AGAP1: variants seen among roughly 807,000 people sequenced by gnomAD.
The protein encoded by AGAP1 is arf-GAP with GTPase, ANK repeat and PH domain-containing protein 1.
In AGAP1, 29 loss-of-function variants were observed where a neutral mutation model predicts 105.3. The observed-to-expected ratio is 0.28, with a 90% confidence interval of 0.21 to 0.38. AGAP1 has a LOEUF of 0.38. Among genes scored for constraint, AGAP1 ranks in the 10% least tolerant of loss-of-function variants. AGAP1 has a pLI of 1.00. For missense variants in AGAP1, 998 were observed against 1,165.1 expected, an observed-to-expected ratio of 0.86 and a Z score of 2.09; for synonymous variants, 509 against 485.9, an observed-to-expected ratio of 1.05 and a Z score of -0.63.
At position 235,934,231 on chromosome 2, in the gene AGAP1, T is replaced by C. The variant is rs1191678159; in HGVS notation, c.1483+3308T>C. 6.6e-6 allele frequency among the ~76,000 whole-genome samples: 1 copy of C among 152,186 alleles called. No individual in the cohort carries two copies. Among genetic ancestry groups the C allele is most frequent in the African/African-American group, 2.4e-5 (1 of 41,440 alleles). ...GGCAACCTGTGTATAGCAAGCCCTC[T>C]GGGATCACATGGCATGCTGAAGCTT... On this transcript the variant is annotated intron_variant, in intron 12 of 17. Coordinates refer to ENST00000304032, the MANE Select transcript of AGAP1 (RefSeq NM_001037131.3). The surrounding 1 kb of genome is among the most constrained non-coding windows in gnomAD (Gnocchi z 4.9).
intron 9 of AGAP1, among the ~76,000 whole-genome samples, chr2:235,829,239 C>T (rs952291009): frequency 6.6e-6 from 1 of 152,184 alleles, no homozygotes; most frequent in African/African-American, 2.4e-5. Flanking sequence ...TGGTGCATTT[C>T]GTTTTCTGGA....
intron 10 of AGAP1, among the ~76,000 whole-genome samples, chr2:235,896,103 C>T (rs1396590195): frequency 1.3e-5 from 2 of 152,222 alleles, no homozygotes; most frequent in East Asian, 3.8e-4. Flanking sequence ...ACACAAATTC[C>T]TATCCCCCCT....
chr2:235,798,581 A>G (rs890371900), intron 7 of AGAP1, among the ~76,000 whole-genome samples: 1 of 152,148 alleles, frequency 6.6e-6, no homozygotes, highest in Non-Finnish European at 1.5e-5. Context: ...AGGTACAGTC[A>G]TGAATGTTCA....
intron 16 of AGAP1, among the ~76,000 whole-genome samples, chr2:236,065,319 T>C (rs2058317568): frequency 6.6e-6 from 1 of 152,190 alleles, no homozygotes; most frequent in Non-Finnish European, 1.5e-5. Context: ...TGTCTTCAGC[T>C]CCTCGGGCCC....
Position 235,906,979 on chromosome 2 carries a change from C to A in AGAP1, c.1156-1759C>A, listed in dbSNP as rs6737735. On this transcript the variant is annotated intron_variant, in intron 10 of 17. Transcript: ENST00000304032. The surrounding 1 kb of genome is among the most constrained non-coding windows in gnomAD (Gnocchi z 5.3). ...TACAGTGAGCTGAGTTCATGCCACT[C>A]CACTCCAGCCTGGGCAACAGAGTGA... 1.3e-5 allele frequency among the ~76,000 whole-genome samples: 2 copies of A among 152,034 alleles called. No individual in the cohort carries two copies. Among genetic ancestry groups the A allele is most frequent in the African/African-American group, 4.8e-5 (2 of 41,408 alleles).
chr2:235,567,785 G>A lies in AGAP1; in HGVS notation c.163+72936G>A, dbSNP rs78843006. Among the ~76,000 whole-genome samples, 527 of 152,014 alleles carry A rather than the reference G, an allele frequency of 3.5e-3. 3 individuals are homozygous for A. Among genetic ancestry groups the A allele is most frequent in the African/African-American group, 0.012 (508 of 41,446 alleles). Reference sequence around the variant, plus strand: ...ATTGTCCACTGTGGGGGGCGGCTGAGGAAGCCAAGGGGTCTGGGCCTGTAG... The same window carrying A: ...ATTGTCCACTGTGGGGGGCGGCTGAAGAAGCCAAGGGGTCTGGGCCTGTAG... On this transcript the variant is annotated intron_variant, in intron 1 of 17. Transcript: ENST00000304032.
At chr2:235,542,236 A>C (rs1943470301) in intron 1 of AGAP1, among the ~76,000 whole-genome samples, 2 of 151,858 alleles carry the variant, frequency 1.3e-5, no homozygotes, top group Admixed American at 6.6e-5. Context: ...GCCAGTTGTC[A>C]GAGAGCCCGG....
chr2:235,706,382 G>T (rs1192643683), intron 1 of AGAP1, among the ~76,000 whole-genome samples: 2 of 149,366 alleles, frequency 1.3e-5, no homozygotes, highest in African/African-American at 5.1e-5. Context: ...CCGCCACCAC[G>T]CCCGGCTAAT....
At chr2:235,870,449 A>G (rs958658602) in intron 9 of AGAP1, among the ~76,000 whole-genome samples, 10 of 152,206 alleles carry the variant, frequency 6.6e-5, no homozygotes, top group African/African-American at 2.4e-4. Context: ...CAACATGGCG[A>G]AACCCTGTCT....
chr2:235,947,876 A>G (rs767661993), intron 12 of AGAP1, among the ~76,000 whole-genome samples: 3 of 152,266 alleles, frequency 2.0e-5, no homozygotes, highest in Non-Finnish European at 2.9e-5. Flanking sequence ...AGGTGGTACT[A>G]TTATCCTCAT....
chr2:235,538,427 A>ATGTG (rs57515821), intron 1 of AGAP1, among the ~76,000 whole-genome samples: 1,511 of 135,400 alleles, frequency 0.011, 18 homozygotes, highest in East Asian at 0.035. Flanking sequence ...CTCAGCCACT[A>ATGTG]TGTGTGTGTG....
In AGAP1 at chr2:235,642,113, C is replaced by T. The variant is rs541339059; in HGVS notation, c.164-67066C>T. Among the ~76,000 whole-genome samples the T allele has an allele frequency of 2.6e-5, 4 of 152,356 alleles. No homozygotes were observed. The East Asian group carries it at 7.7e-4, about 29-fold the overall frequency. On this transcript the variant is annotated intron_variant, in intron 1 of 17. Coordinates refer to ENST00000304032, the MANE Select transcript of AGAP1 (RefSeq NM_001037131.3). This position sits in a 1 kb window ranked among gnomAD's most constrained non-coding sequence, Gnocchi z 4.1. ...ACATGCCTGTGTTTTTACCTTACTT[C>T]CCCAGGGGCCCTCCAGAGGGTGCCC... is the stretch of plus-strand genomic sequence containing the variant.
intron 9 of AGAP1, among the ~76,000 whole-genome samples, chr2:235,876,709 C>A (rs984579935): frequency 6.6e-6 from 1 of 152,180 alleles, no homozygotes; most frequent in African/African-American, 2.4e-5. Flanking sequence ...GCACCTTGTC[C>A]CGATTTTACC....
rs1488381515 is a variant in AGAP1, at chr2:236,089,884, A to C, written c.2115-30308A>C. Among the ~76,000 whole-genome samples, 1 of 152,126 alleles carries C rather than the reference A, an allele frequency of 6.6e-6. No individual in the cohort carries two copies. Among genetic ancestry groups the C allele is most frequent in the African/African-American group, 2.4e-5 (1 of 41,424 alleles). ...ATTGGTGGACTTTCTACTGTTAACC[A>C]CCAAGAAATGACCAATTTTCAGGAG... On this transcript the variant is annotated intron_variant, in intron 16 of 17. Transcript: ENST00000304032. The surrounding 1 kb of genome is among the most constrained non-coding windows in gnomAD (Gnocchi z 5.6).
intron 12 of AGAP1, among the ~76,000 whole-genome samples, chr2:235,932,598 T>G (rs1269292063): frequency 6.6e-6 from 1 of 152,216 alleles, no homozygotes; most frequent in South Asian, 2.1e-4. Flanking sequence ...AGGCCTTGCC[T>G]TACCAAGCAG....
At chr2:235,704,962 C>CTTTTTTTTTTTTTTTTTTTT (rs796721149) in intron 1 of AGAP1, among the ~76,000 whole-genome samples, 1 of 86,010 alleles carries the variant, frequency 1.2e-5, no homozygotes. Flanking sequence ...ATACAAGATG[C>CTTTTTTTTTTTTTTTTTTTT]TTTTTTCTTT....
In AGAP1 at chr2:235,685,236, C is replaced by G. The variant is rs557099328; in HGVS notation, c.164-23943C>G. 5.3e-5 allele frequency among the ~76,000 whole-genome samples: 8 copies of G among 152,170 alleles called. No individual in the cohort carries two copies. The East Asian group carries it at 1.6e-3, about 30-fold the overall frequency. On this transcript the variant is annotated intron_variant, in intron 1 of 17. Transcript: ENST00000304032. ...GGAAGCCACAAGCCGCCTCCCTGAC[C>G]TGGCAGCTGCCTGTGTGCCCTGGTG...
In AGAP1 at chr2:236,044,018, C is replaced by G. The variant is rs2057640462; in HGVS notation, c.1891+3177C>G. On this transcript the variant is annotated intron_variant, in intron 15 of 17. Transcript: ENST00000304032. The surrounding 1 kb of genome is among the most constrained non-coding windows in gnomAD (Gnocchi z 5.7). The stretch of plus-strand genomic sequence containing the variant: ...TGCTCTAGACCGCCAGGAGCCCCCT[C>G]TGTCTGCTCACTGGGCACATCCCAG... Among the ~76,000 whole-genome samples, 1 of 152,160 alleles carries G rather than the reference C, an allele frequency of 6.6e-6. No homozygotes were observed. Among genetic ancestry groups the G allele is most frequent in the African/African-American group, 2.4e-5 (1 of 41,432 alleles).
chr2:235,810,540 C>G (rs1344717196), intron 9 of AGAP1, among the ~76,000 whole-genome samples: 1 of 152,182 alleles, frequency 6.6e-6, no homozygotes, highest in Non-Finnish European at 1.5e-5. Flanking sequence ...CAATCTAACC[C>G]CAGAGTTTAC....
Sources: gnomAD v4.1 joint callset for allele counts (sites outside exome capture counted in the v4.1 genomes callset) on GRCh38, gnomAD v4.1.1 for gene constraint, Gnocchi (gnomAD v3.1) non-coding constraint, MANE v1.5 for transcripts, NCBI Gene and HGNC (gene_info 2026-07-23, HGNC 2026-07-21) for gene names.